Variants in DAG1 observed in about 807,000 individuals in gnomAD.
The protein encoded by DAG1 is dystroglycan 1, also known as dystroglycan 1 (dystrophin-associated glycoprotein 1).
A neutral mutation model predicts 46.1 loss-of-function variants in DAG1; 8 were observed. The observed-to-expected ratio is 0.17, with a 90% CI of 0.10 to 0.31. DAG1 has a LOEUF of 0.31. DAG1 is among the 10% of genes least tolerant of loss of function. DAG1 has a pLI of 1.00. For missense variants in DAG1, 1,003 were observed against 1,189.9 expected (o/e 0.84, Z 2.31); for synonymous variants, 495 against 481.8 (o/e 1.03, Z -0.36).
chr3:49,512,321 GCCT>G (rs1159599922), intron 2 of DAG1, among the ~76,000 whole-genome samples: 6 of 152,122 alleles, frequency 3.9e-5, no homozygotes, highest in African/African-American at 9.7e-5. Flanking sequence ...TCCTGCCTCA[GCCT>G]CCTCAGTAGC....
In DAG1 at chr3:49,490,575, A is replaced by AT. The variant is rs1050421982; in HGVS notation, c.-116-19832dup. Among the ~76,000 whole-genome samples the AT allele has an allele frequency of 8.1e-3, 1,127 of 138,366 alleles. 14 individuals are homozygous for AT. The highest frequency in any genetic ancestry group is 0.022 in the African/African-American group (845 of 37,930). The allele number at this position is 138,366 out of a possible 152,430, so 90.8% of individuals were successfully genotyped here. A position where few individuals can be genotyped will look rare whatever the true frequency, so the allele number is the denominator to read the frequency against. Reference sequence around the variant, plus strand: ...TTATTCCTAATTTTTTTATTCTTTTATTTTTTTTTTTTGGGACAGGGTCTT... The same window carrying AT: ...TTATTCCTAATTTTTTTATTCTTTTATTTTTTTTTTTTTGGGACAGGGTCTT... On this transcript the variant is annotated intron_variant, in intron 1 of 2. Transcript: ENST00000308775.
chr3:49,482,969 C>T (rs111267190), intron 1 of DAG1, among the ~76,000 whole-genome samples: 62 of 152,104 alleles, frequency 4.1e-4, no homozygotes, highest in Non-Finnish European at 7.8e-4. Context: ...TGTTAATTAG[C>T]TCAGTTGTTC....
At chr3:49,485,657 C>CTTTTT (rs749730213) in intron 1 of DAG1, among the ~76,000 whole-genome samples, 1 of 82,108 alleles carries the variant, frequency 1.2e-5, no homozygotes, top group African/African-American at 4.6e-5. Context: ...TGTTTTCTTT[C>CTTTTT]TTTTTTTTTT....
intron 1 of DAG1, among the ~76,000 whole-genome samples, chr3:49,493,515 G>A (rs576738960): frequency 2.6e-5 from 4 of 152,326 alleles, no homozygotes; most frequent in African/African-American, 9.6e-5. Context: ...GATTTCTTCA[G>A]TCTTGTTAAT....
At chr3:49,489,668 G>A (rs920268414) in intron 1 of DAG1, among the ~76,000 whole-genome samples, 3 of 152,136 alleles carry the variant, frequency 2.0e-5, no homozygotes, top group Non-Finnish European at 4.4e-5. Context: ...TTGGGCCCTA[G>A]TGTGACATTT....
rs1240703652 is a variant in DAG1 at position 49,535,523 on chromosome 3, GTTT to G, written c.*2327_*2329del. On this transcript the variant is annotated 3_prime_UTR_variant, in exon 3 of 3. Transcript: ENST00000308775. The stretch of plus-strand genomic sequence containing the variant: ...TCAAGTGTTCACCAACCACTGATGT[GTTT>G]TTATTTCCTTCTATATGATTTTAAG... The G allele has an allele frequency of 6.5e-6, 1 of 152,700 alleles. No homozygotes were observed. The highest frequency in any genetic ancestry group is 2.4e-5 in the African/African-American group (1 of 41,470). The allele number at this position is 152,700 out of a possible 1,614,324, so 9.5% of individuals were successfully genotyped here.
In DAG1 at chr3:49,497,720, T is replaced by C. The variant is rs533874608; in HGVS notation, c.-116-12699T>C. Among the ~76,000 whole-genome samples the C allele has an allele frequency of 8.5e-5, 13 of 152,338 alleles. No homozygotes were observed. In the East Asian group the frequency reaches 1.2e-3, roughly 14 times the overall value. ...AAGTATACTGTTCGGTAATAAATAA[T>C]GTTTAACGCAGTGTATGGACTTCAG... On this transcript the variant is annotated intron_variant, in intron 1 of 2. Coordinates refer to ENST00000308775, the MANE Select transcript of DAG1 (RefSeq NM_004393.6).
intron 1 of DAG1, among the ~76,000 whole-genome samples, chr3:49,487,943 C>T (rs941389116): frequency 4.6e-5 from 7 of 152,058 alleles, no homozygotes; most frequent in Non-Finnish European, 7.4e-5. Flanking sequence ...ACCTCGTGAT[C>T]TGCCCGCCTC....
chr3:49,505,084 T>C (rs2050568723), intron 1 of DAG1, among the ~76,000 whole-genome samples: 1 of 151,670 alleles, frequency 6.6e-6, no homozygotes, highest in African/African-American at 2.4e-5. Flanking sequence ...AGCCTTGACC[T>C]GCTGGGCTCA....
intron 1 of DAG1, among the ~76,000 whole-genome samples, chr3:49,474,275 C>T (rs1050040293): frequency 3.3e-5 from 5 of 151,678 alleles, no homozygotes; most frequent in Admixed American, 2.6e-4. Context: ...AGGGTGGTCT[C>T]CATCTCCTGA....
chr3:49,484,394 C>T (rs147955392), intron 1 of DAG1, among the ~76,000 whole-genome samples: 11 of 152,184 alleles, frequency 7.2e-5, no homozygotes, highest in African/African-American at 1.9e-4. Flanking sequence ...AGCCCTGAGC[C>T]TTTTTCCCTT....
chr3:49,469,498 G>A (rs2106656671), upstream of DAG1, among the ~76,000 whole-genome samples: 1 of 152,262 alleles, frequency 6.6e-6, no homozygotes, highest in African/African-American at 2.4e-5. Context: ...CCAAAAGAAT[G>A]CAGGCCACTA....
rs1413112698 is a variant in DAG1, at chr3:49,515,243, T to C, written c.285+4424T>C. Among the ~76,000 whole-genome samples, 4 of 151,990 alleles carry C rather than the reference T, an allele frequency of 2.6e-5. No homozygotes were observed. The East Asian group carries it at 7.7e-4, about 29-fold the overall frequency. On this transcript the variant is annotated intron_variant, in intron 2 of 2. Transcript: ENST00000308775. ...CCTCGGCCTCCCAACGTGCTGGGAT[T>C]ACAGGAATGAGCCACTGTCCCGGGC...
chr3:49,497,507 G>A (rs1326283752), intron 1 of DAG1, among the ~76,000 whole-genome samples: 1 of 151,898 alleles, frequency 6.6e-6, no homozygotes, highest in Non-Finnish European at 1.5e-5. Flanking sequence ...CCAGTTGTGG[G>A]AGGCTGAGGC....
intron 1 of DAG1, among the ~76,000 whole-genome samples, chr3:49,493,846 T>C (rs1182006494): frequency 6.6e-6 from 1 of 152,248 alleles, no homozygotes; most frequent in Non-Finnish European, 1.5e-5. Flanking sequence ...CTGTCCATAG[T>C]GTTGGCCTGG....
upstream of DAG1, among the ~76,000 whole-genome samples, chr3:49,469,978 T>C (rs2049460493): frequency 6.6e-6 from 1 of 151,892 alleles, no homozygotes; most frequent in Non-Finnish European, 1.5e-5. Context: ...ACCGCCGGGG[T>C]GTGTCCCGGG....
intron 1 of DAG1, among the ~76,000 whole-genome samples, chr3:49,490,888 T>C (rs1280469308): frequency 6.8e-6 from 1 of 146,158 alleles, no homozygotes; most frequent in Non-Finnish European, 1.5e-5. Flanking sequence ...TTCTTTTTTT[T>C]TTTTTTTTTT....
At chr3:49,482,302 AC>A in intron 1 of DAG1, among the ~76,000 whole-genome samples, 1 of 152,230 alleles carries the variant, frequency 6.6e-6, no homozygotes, top group Admixed American at 6.6e-5. Flanking sequence ...GAAAGACCTG[AC>A]CTTCCCCCAG....
chr3:49,534,843 T>C lies in DAG1; in HGVS notation c.*1644T>C. The C allele has an allele frequency of 6.5e-6, 1 of 153,718 alleles. No individual in the cohort carries two copies. Among genetic ancestry groups the C allele is most frequent in the East Asian group, 1.9e-4 (1 of 5,224 alleles). The allele number at this position is 153,718 out of a possible 1,614,324, so 9.5% of individuals were successfully genotyped here. A position where few individuals can be genotyped will look rare whatever the true frequency, so the allele number is the denominator to read the frequency against. ...ATGCCTTTCGCAATAATGTATCCAT[T>C]CCCTGATTGAGGGTGGGTGGGTGGA... On this transcript the variant is annotated 3_prime_UTR_variant, in exon 3 of 3. Transcript: ENST00000308775.
Sources: gnomAD v4.1 joint callset for allele counts (sites outside exome capture counted in the v4.1 genomes callset) on GRCh38, gnomAD v4.1.1 for gene constraint, MANE v1.5 for transcripts, NCBI Gene and HGNC (gene_info 2026-07-23, HGNC 2026-07-21) for gene names.